Variants in ZC3H3 observed in about 807,000 individuals in gnomAD.
The protein encoded by ZC3H3 is zinc finger CCCH-type containing 3, also known as zinc finger CCCH domain-containing protein 3.
ZC3H3 carries 36 observed loss-of-function variants against 77.3 expected under a neutral mutation model. That is an observed-to-expected ratio of 0.47 (90% CI 0.36 to 0.61). The LOEUF is 0.61. ZC3H3 is among the 20% of genes least tolerant of loss of function. ZC3H3 has a pLI of 0.00. For synonymous variants in ZC3H3, 626 were observed against 555.2 expected, an observed-to-expected ratio of 1.13 and a Z score of -1.79; for missense variants, 1,331 against 1,312.2, an observed-to-expected ratio of 1.01 and a Z score of -0.22.
At chr8:143,522,925 A>ATAT (rs142756358) in intron 3 of ZC3H3, among the ~76,000 whole-genome samples, 3 of 151,604 alleles carry the variant, frequency 2.0e-5, no homozygotes, top group Non-Finnish European at 2.9e-5. Flanking sequence ...GTCTCAAAAA[A>ATAT]ATATATATAT....
At chr8:143,476,817 T>C (rs1453212655) in intron 4 of ZC3H3, among the ~76,000 whole-genome samples, 1 of 152,220 alleles carries the variant, frequency 6.6e-6, no homozygotes, top group African/African-American at 2.4e-5. Context: ...CCCATGGCCC[T>C]GCAGCTACAC....
chr8:143,507,390 G>A (rs1821734987), intron 4 of ZC3H3, among the ~76,000 whole-genome samples: 1 of 152,258 alleles, frequency 6.6e-6, no homozygotes, highest in South Asian at 2.1e-4. Flanking sequence ...GCTTCTCCCC[G>A]AGAGATGCTC....
intron 9 of ZC3H3, among the ~76,000 whole-genome samples, chr8:143,443,284 CAAAAAAAAAA>C (rs34765299): frequency 1.1e-4 from 7 of 61,956 alleles, no homozygotes; most frequent in African/African-American, 4.1e-4. Context: ...GACCCTGTCT[CAAAAAAAAAA>C]AAAAAAAAAA....
rs764083420 is a variant in ZC3H3 at position 143,538,463 on chromosome 8, G to A, written c.904C>T (p.Arg302Ter). The A allele has an allele frequency of 3.1e-6, 5 of 1,613,082 alleles. No homozygotes were observed. Among genetic ancestry groups the A allele is most frequent in the East Asian group, 2.2e-5 (1 of 44,884 alleles). ...TTGTTTTTCCGGAACTTGTTAGTTC[G>A]ACAGGTCACAACCAGCGAGGCCTCC... ...AREASLVVTC[R>*]TNKFRKNNYK... Residue 302 changes from arginine (R) to a stop codon, truncating the protein, a stop_gained, in exon 2 of 12, where the codon CGA (arginine) becomes TGA (stop). Coordinates refer to ENST00000262577, the MANE Select transcript of ZC3H3 (RefSeq NM_015117.3). LOFTEE classifies it high-confidence loss of function.
At chr8:143,478,536 T>G (rs138603368) in intron 4 of ZC3H3, among the ~76,000 whole-genome samples, 1 of 151,954 alleles carries the variant, frequency 6.6e-6, no homozygotes, top group Non-Finnish European at 1.5e-5. Context: ...TGAGATGGAG[T>G]TTTGCTCTTG....
intron 9 of ZC3H3, among the ~76,000 whole-genome samples, chr8:143,450,284 G>A (rs191382451): frequency 1.2e-3 from 184 of 152,278 alleles, no homozygotes; most frequent in African/African-American, 4.1e-3. Context: ...AGGTTCGACC[G>A]ATTCTCATGC....
At chr8:143,515,513 C>A (rs1257963269) in intron 3 of ZC3H3, among the ~76,000 whole-genome samples, 1 of 152,264 alleles carries the variant, frequency 6.6e-6, no homozygotes, top group African/African-American at 2.4e-5. Context: ...AGGCTCTCCC[C>A]ACGAACGGGC....
intron 3 of ZC3H3, among the ~76,000 whole-genome samples, chr8:143,524,815 C>A (rs570665191): frequency 1.8e-3 from 278 of 152,372 alleles, no homozygotes; most frequent in Non-Finnish European, 2.8e-3. Flanking sequence ...CACAGCAGGG[C>A]ACCTGCCAGC....
At chr8:143,518,678 C>T (rs1293077046) in intron 3 of ZC3H3, among the ~76,000 whole-genome samples, 1 of 152,266 alleles carries the variant, frequency 6.6e-6, no homozygotes, top group East Asian at 1.9e-4. Context: ...TTGGCAGCCA[C>T]AGCACCGGGG....
chr8:143,506,161 C>T (rs1321725955), intron 4 of ZC3H3, among the ~76,000 whole-genome samples: 2 of 152,240 alleles, frequency 1.3e-5, no homozygotes, highest in African/African-American at 4.8e-5. Flanking sequence ...ACCAGACCAG[C>T]CGGACCCAAA....
At chr8:143,472,797 A>G (rs1820610433) in intron 5 of ZC3H3, among the ~76,000 whole-genome samples, 1 of 152,208 alleles carries the variant, frequency 6.6e-6, no homozygotes, top group Admixed American at 6.5e-5. Context: ...CCGCGGGTGC[A>G]CGGTGCAGGG....
At position 143,538,236 on chromosome 8, in the gene ZC3H3, G is replaced by C; in HGVS notation, c.1131C>G (p.Tyr377Ter). 6.2e-7 allele frequency: 1 copy of C among 1,613,036 alleles called. No individual in the cohort carries two copies. The highest frequency in any genetic ancestry group is 8.5e-7 in the Non-Finnish European group (1 of 1,180,038). Residue 377 changes from tyrosine (Y) to a stop codon, truncating the protein, a stop_gained, in exon 2 of 12, where the codon TAC becomes TAG. Transcript: ENST00000262577. LOFTEE classifies it high-confidence loss of function. ...CAGAGGGGCTGGAGGCCTTCCACTT[G>C]TACTTGCTGGGGGCAGACCCTGGCT... ...SSKPGSAPSK[Y>*]KWKASSPSAS...
At chr8:143,478,964 G>A (rs543061263) in intron 4 of ZC3H3, among the ~76,000 whole-genome samples, 43 of 152,302 alleles carry the variant, frequency 2.8e-4, no homozygotes, top group Admixed American at 5.2e-4. Flanking sequence ...GAGCCGTCCC[G>A]GGATCTGCGC....
intron 4 of ZC3H3, among the ~76,000 whole-genome samples, chr8:143,483,569 C>T (rs1261808531): frequency 1.3e-5 from 2 of 152,162 alleles, no homozygotes; most frequent in South Asian, 4.1e-4. Context: ...AGAGCAGAGG[C>T]GTGCAGTGGG....
chr8:143,536,489 C>T (rs187074342), intron 2 of ZC3H3, 36 bp from the exon 3 acceptor site: 2 of 1,455,948 alleles, frequency 1.4e-6, no homozygotes, highest in South Asian at 2.8e-5. Flanking sequence ...CTCAACAAGC[C>T]CTGGGGGTTC....
chr8:143,497,535 T>C (rs402918), intron 4 of ZC3H3, among the ~76,000 whole-genome samples: 4,245 of 152,262 alleles, frequency 0.028, 179 homozygotes, highest in African/African-American at 0.096. Flanking sequence ...CCTGCCCCTG[T>C]CCCATCCTGG....
chr8:143,538,838 T>A lies in ZC3H3; in HGVS notation c.529A>T (p.Thr177Ser). Residue 177 changes from threonine to serine, a missense_variant, in exon 2 of 12, where the codon ACA becomes TCA. Coordinates refer to ENST00000262577, the MANE Select transcript of ZC3H3 (RefSeq NM_015117.3). ...PRGQLQPSRP[T>S]RARGTCSVED... ...ACACTGCAGGTCCCCCTGGCTCTTG[T>A]TGGCCTCGAGGGCTGCAGCTGTCCC... 6.2e-7 allele frequency: 1 copy of A among 1,612,328 alleles called. No individual in the cohort carries two copies. The highest frequency in any genetic ancestry group is 8.5e-7 in the Non-Finnish European group (1 of 1,179,698).
chr8:143,519,095 G>A (rs1403090636), intron 3 of ZC3H3, among the ~76,000 whole-genome samples: 1 of 151,888 alleles, frequency 6.6e-6, no homozygotes, highest in Non-Finnish European at 1.5e-5. Context: ...GCCTCCCCAG[G>A]AAGGTGACTC....
At chr8:143,461,019 G>A (rs1478774173) in intron 9 of ZC3H3, among the ~76,000 whole-genome samples, 3 of 152,060 alleles carry the variant, frequency 2.0e-5, no homozygotes, top group Non-Finnish European at 2.9e-5. Context: ...AAAACATTTT[G>A]GAATGTTTCC....
Sources: gnomAD v4.1 joint callset for allele counts (sites outside exome capture counted in the v4.1 genomes callset) on GRCh38, gnomAD v4.1.1 for gene constraint, MANE v1.5 for transcripts, NCBI Gene and HGNC (gene_info 2026-07-23, HGNC 2026-07-21) for gene names.